The following PAPPA2 variants were observed in gnomAD, a reference collection of about 807,000 sequenced individuals.
PAPPA2 encodes pappalysin-2.
Under a neutral mutation model 176.4 loss-of-function variants are expected in PAPPA2, and 86 were observed. The observed-to-expected ratio is 0.49, with a 90% CI of 0.41 to 0.58. The LOEUF (loss-of-function observed/expected upper bound fraction) is 0.58, where lower values mean the gene tolerates loss of function less well. PAPPA2 is among the 20% of genes least tolerant of loss of function. The probability of loss-of-function intolerance (pLI) is 0.00; values close to 1 mark genes in which losing one functional copy is unlikely to be tolerated. For synonymous variants in PAPPA2, 809 were observed against 852.2 expected, an observed-to-expected ratio of 0.95 and a Z score of 0.88; for missense variants, 2,073 against 2,256.9, an observed-to-expected ratio of 0.92 and a Z score of 1.65.
At chr1:176,828,166 C>T (rs1211140167) in intron 21 of PAPPA2, among the ~76,000 whole-genome samples, 4 of 152,158 alleles carry the variant, frequency 2.6e-5, no homozygotes, top group South Asian at 2.1e-4. Flanking sequence ...TCCCTATCAT[C>T]GTGATCAGAC....
chr1:176,507,862 C>T (rs1302708371), intron 1 of PAPPA2, among the ~76,000 whole-genome samples: 1 of 151,598 alleles, frequency 6.6e-6, no homozygotes, highest in Non-Finnish European at 1.5e-5. Context: ...TGCAATATAC[C>T]CATGTAACAA....
chr1:176,569,847 G>A (rs760320889), intron 2 of PAPPA2, among the ~76,000 whole-genome samples: 8 of 152,226 alleles, frequency 5.3e-5, no homozygotes, highest in Non-Finnish European at 8.8e-5. Context: ...TTCTATTGAT[G>A]TTGAAGATGA....
At chr1:176,773,795 C>T (rs924697331) in intron 17 of PAPPA2, among the ~76,000 whole-genome samples, 2 of 152,068 alleles carry the variant, frequency 1.3e-5, no homozygotes, top group Non-Finnish European at 2.9e-5. Context: ...ACTAAAATAT[C>T]AGCCAAATAC....
chr1:176,666,121 A>G (rs1658627718), intron 3 of PAPPA2, among the ~76,000 whole-genome samples: 1 of 152,202 alleles, frequency 6.6e-6, no homozygotes, highest in Non-Finnish European at 1.5e-5. Flanking sequence ...ATTAGAACTG[A>G]AAAGAGGAAC....
chr1:176,623,826 TC>T, intron 3 of PAPPA2, among the ~76,000 whole-genome samples: 1 of 133,010 alleles, frequency 7.5e-6, no homozygotes, highest in South Asian at 2.6e-4. Flanking sequence ...TTCTTCTCTC[TC>T]TCTCTCTGTC....
Position 176,671,029 on chromosome 1 carries a change from T to G in PAPPA2, c.2051T>G (p.Leu684Arg). The change falls in exon 4 of 23, where the codon CTC becomes CGC. Residue 684 changes from leucine to arginine, a missense_variant. Leu to Arg is a moderately radical substitution (Grantham distance 102). Around this residue, in one of 4 missense-constraint regions of PAPPA2, gnomAD observed 1,196 missense variants for 1,330.4 expected, o/e 0.90. Transcript: ENST00000367662. ...EALQLNSTHF[L>R]NIYFASSVRE... ...CTGCAGCTGAACAGTACTCACTTCC[T>G]CAACATCTACTTTGCCAGCTCAGTG... The G allele has an allele frequency of 6.2e-7, 1 of 1,614,024 alleles. No individual in the cohort carries two copies. The highest frequency in any genetic ancestry group is 8.5e-7 in the Non-Finnish European group (1 of 1,179,928).
intron 1 of PAPPA2, among the ~76,000 whole-genome samples, chr1:176,494,972 A>G (rs1054533396): frequency 1.3e-5 from 2 of 152,118 alleles, no homozygotes; most frequent in African/African-American, 4.8e-5. Context: ...ACCCACTTCC[A>G]TCTTACTCTT....
In PAPPA2 at chr1:176,699,186, C is replaced by T. The variant is rs763512937; in HGVS notation, c.2833C>T (p.Pro945Ser). The T allele has an allele frequency of 5.6e-6, 9 of 1,614,114 alleles. No individual in the cohort carries two copies. Among genetic ancestry groups the T allele is most frequent in the Non-Finnish European group, 5.1e-6 (6 of 1,180,004 alleles). The change falls in exon 8 of 23, where the codon CCC (proline) becomes TCC (serine). Residue 945 changes from proline to serine, a missense_variant. Around this residue, in one of 4 missense-constraint regions of PAPPA2, gnomAD observed 1,196 missense variants for 1,330.4 expected, o/e 0.90. Coordinates refer to ENST00000367662, the MANE Select transcript of PAPPA2 (RefSeq NM_020318.3). The stretch of plus-strand genomic sequence containing the variant: ...CCTGTACCACATGAACATGACGGTC[C>T]CCTGCCCCACAGAAGGCTGTAGCTT... ...VHLYHMNMTV[P>S]CPTEGCSLEL...
At chr1:176,720,467 G>T (rs1325245031) in intron 12 of PAPPA2, among the ~76,000 whole-genome samples, 1 of 151,980 alleles carries the variant, frequency 6.6e-6, no homozygotes. Context: ...AATTAAGAAT[G>T]TTCAGTTTTA....
At chr1:176,599,151 G>A (rs201979648) in intron 3 of PAPPA2, among the ~76,000 whole-genome samples, 84 of 150,672 alleles carry the variant, frequency 5.6e-4, no homozygotes, top group African/African-American at 1.9e-3. Context: ...GTGTGTGTGT[G>A]TATATATATA....
intron 1 of PAPPA2, among the ~76,000 whole-genome samples, chr1:176,474,499 CTA>C (rs543562228): frequency 2.8e-4 from 43 of 152,268 alleles, no homozygotes; most frequent in African/African-American, 1.0e-3. Flanking sequence ...CTGCCATACT[CTA>C]TCAGATATTT....
chr1:176,764,942 A>T (rs1663896885), intron 14 of PAPPA2, among the ~76,000 whole-genome samples: 1 of 152,140 alleles, frequency 6.6e-6, no homozygotes, highest in South Asian at 2.1e-4. Flanking sequence ...CTGAGTCTAG[A>T]TTGGCCCTGG....
intron 1 of PAPPA2, among the ~76,000 whole-genome samples, chr1:176,499,037 G>A (rs1647805817): frequency 2.6e-5 from 4 of 151,230 alleles, no homozygotes; most frequent in Admixed American, 2.6e-4. Flanking sequence ...TCTCTAACTG[G>A]CAACTAAGTG....
intron 2 of PAPPA2, among the ~76,000 whole-genome samples, chr1:176,586,191 T>G (rs1653295654): frequency 1.3e-5 from 2 of 152,194 alleles, no homozygotes; most frequent in Non-Finnish European, 2.9e-5. Context: ...TTTGTGTGTG[T>G]TTGTGTGTTT....
intron 4 of PAPPA2, among the ~76,000 whole-genome samples, chr1:176,674,672 G>T (rs1346842071): frequency 1.3e-5 from 2 of 149,082 alleles, no homozygotes; most frequent in African/African-American, 2.5e-5. Flanking sequence ...ATTAATGGAC[G>T]TTTGGACTGG....
chr1:176,655,693 T>G (rs1657994589), intron 3 of PAPPA2, among the ~76,000 whole-genome samples: 1 of 151,524 alleles, frequency 6.6e-6, no homozygotes, highest in African/African-American at 2.4e-5. Context: ...AGTGGAAGAG[T>G]AGAAAGCGGG....
At chr1:176,507,284 G>A (rs78868462) in intron 1 of PAPPA2, among the ~76,000 whole-genome samples, 12,025 of 151,972 alleles carry the variant, frequency 0.079, 590 homozygotes, top group South Asian at 0.15. Context: ...AAGTAAAAAA[G>A]TAACAGATGC....
At chr1:176,489,507 A>G (rs1037630329) in intron 1 of PAPPA2, among the ~76,000 whole-genome samples, 3 of 152,298 alleles carry the variant, frequency 2.0e-5, no homozygotes, top group African/African-American at 7.2e-5. Flanking sequence ...GTGACACGTT[A>G]TAATTGGTAG....
chr1:176,517,698 G>A (rs889092984), intron 1 of PAPPA2, among the ~76,000 whole-genome samples: 1 of 152,120 alleles, frequency 6.6e-6, no homozygotes, highest in African/African-American at 2.4e-5. Flanking sequence ...TAAGAAAGTT[G>A]CATTGACTTT....
Sources: gnomAD v4.1 joint callset for allele counts (sites outside exome capture counted in the v4.1 genomes callset) on GRCh38, gnomAD v4.1.1 for gene constraint, gnomAD v4.1.1 regional missense constraint, MANE v1.5 for transcripts, NCBI Gene and HGNC (gene_info 2026-07-23, HGNC 2026-07-21) for gene names.